Variants in BRAF observed in about 807,000 individuals in gnomAD.
BRAF encodes B-Raf proto-oncogene, serine/threonine kinase.
BRAF carries 16 observed loss-of-function variants against 104.6 expected under a neutral mutation model. That is an observed-to-expected ratio of 0.15 (90% CI 0.10 to 0.23). The LOEUF (loss-of-function observed/expected upper bound fraction) is 0.23. BRAF is among the 10% of genes least tolerant of loss of function. The probability of loss-of-function intolerance (pLI) is 1.00; values close to 1 mark genes in which losing one functional copy is unlikely to be tolerated. For missense variants in BRAF, 541 were observed against 937.3 expected (o/e 0.58, Z 5.52); for synonymous variants, 310 against 341.6 (o/e 0.91, Z 1.02).
intron 1 of BRAF, among the ~76,000 whole-genome samples, chr7:140,904,321 T>C (rs79747414): frequency 0.017 from 2,612 of 152,090 alleles, 37 homozygotes; most frequent in Non-Finnish European, 0.027. Flanking sequence ...TTATGACTCA[T>C]TGAAAGATCA....
chr7:140,805,484 T>G (rs1803567871), intron 5 of BRAF, among the ~76,000 whole-genome samples: 1 of 152,170 alleles, frequency 6.6e-6, no homozygotes, highest in South Asian at 2.1e-4. Flanking sequence ...TGCCTGTATC[T>G]GTAAGTATAC....
intron 17 of BRAF, among the ~76,000 whole-genome samples, chr7:140,747,657 A>T (rs373257718): frequency 1.3e-5 from 2 of 152,370 alleles, no homozygotes; most frequent in East Asian, 3.9e-4. Context: ...CTAAAAATCC[A>T]TAATTCCTCC....
chr7:140,716,102 T>A (rs1246096745), downstream of BRAF, among the ~76,000 whole-genome samples: 2 of 152,226 alleles, frequency 1.3e-5, no homozygotes, highest in Non-Finnish European at 2.9e-5. Flanking sequence ...GTATTTACCA[T>A]GATGCACACT....
intron 1 of BRAF, among the ~76,000 whole-genome samples, chr7:140,886,452 T>C (rs1312732632): frequency 6.6e-6 from 1 of 152,166 alleles, no homozygotes; most frequent in Non-Finnish European, 1.5e-5. Flanking sequence ...GAGTGCAAGA[T>C]CTGAAAAGAT....
chr7:140,763,332 G>A (rs1308149494), intron 14 of BRAF, among the ~76,000 whole-genome samples: 1 of 146,866 alleles, frequency 6.8e-6, no homozygotes, highest in East Asian at 2.1e-4. Context: ...GGCCGGGCAG[G>A]GGGCTGACCC....
intron 17 of BRAF, among the ~76,000 whole-genome samples, chr7:140,742,660 C>T (rs1308614211): frequency 1.3e-5 from 2 of 152,178 alleles, no homozygotes; most frequent in African/African-American, 4.8e-5. Flanking sequence ...AAAAGGCACA[C>T]CTTTAGGACT....
At chr7:140,742,190 T>C (rs1465547051) in intron 17 of BRAF, among the ~76,000 whole-genome samples, 1 of 151,750 alleles carries the variant, frequency 6.6e-6, no homozygotes, top group African/African-American at 2.4e-5. Flanking sequence ...GTGGGGTTTT[T>C]TTTGTTTTTG....
At chr7:140,917,600 C>T (rs1253021795) in intron 1 of BRAF, among the ~76,000 whole-genome samples, 2 of 152,130 alleles carry the variant, frequency 1.3e-5, no homozygotes, top group African/African-American at 4.8e-5. Flanking sequence ...ACCTCTCTCT[C>T]CCTCTCAAAT....
intron 1 of BRAF, among the ~76,000 whole-genome samples, chr7:140,914,562 T>G (rs934087829): frequency 6.6e-6 from 1 of 152,136 alleles, no homozygotes; most frequent in Non-Finnish European, 1.5e-5. Context: ...TATTAATGTG[T>G]GTAAAACAAA....
At chr7:140,855,055 C>T (rs1221886103) in intron 1 of BRAF, among the ~76,000 whole-genome samples, 3 of 151,606 alleles carry the variant, frequency 2.0e-5, no homozygotes, top group African/African-American at 7.3e-5. Flanking sequence ...ATTTTATATC[C>T]GAAGAATAAA....
At chr7:140,718,875 G>C (rs544071861), downstream of BRAF, among the ~76,000 whole-genome samples, 8 of 152,300 alleles carry the variant, frequency 5.3e-5, no homozygotes, top group Admixed American at 1.3e-4. Context: ...TAGAAAACAT[G>C]AGTGCATAGT....
At chr7:140,869,793 C>T (rs1163953484) in intron 1 of BRAF, among the ~76,000 whole-genome samples, 1 of 152,210 alleles carries the variant, frequency 6.6e-6, no homozygotes, top group Non-Finnish European at 1.5e-5. Flanking sequence ...TTGGAATTAA[C>T]TGCCACTTTA....
At chr7:140,829,480 T>C (rs1026821323) in intron 3 of BRAF, among the ~76,000 whole-genome samples, 13 of 152,130 alleles carry the variant, frequency 8.5e-5, no homozygotes, top group Admixed American at 5.2e-4. Context: ...TTCTTCTTAC[T>C]GATTGAACCA....
Position 140,783,085 on chromosome 7 carries a change from T to G in BRAF, c.1370A>C (p.Gln457Pro), listed in dbSNP as rs978365655. 1.2e-6 allele frequency: 2 copies of G among 1,613,990 alleles called. No homozygotes were observed. The highest frequency in any genetic ancestry group is 1.7e-6 in the Non-Finnish European group (2 of 1,180,010). Residue 457 changes from glutamine to proline, a missense_variant, in exon 11 of 20, where the codon CAG becomes CCG. By Grantham distance (76) the Gln-to-Pro change is moderately conservative. Coordinates refer to ENST00000644969, the MANE Select transcript of BRAF (RefSeq NM_001374258.1). Reference sequence around the variant, plus strand: ...TTCTCGCTGAGGTCCTGGAGATTTCTGTAAGGCTTTCACGTTAGTTAGTGA... The same window carrying G: ...TTCTCGCTGAGGTCCTGGAGATTTCGGTAAGGCTTTCACGTTAGTTAGTGA... ...PGSLTNVKAL[Q>P]KSPGPQRERK... is the part of the protein sequence containing the mutation.
intron 8 of BRAF, among the ~76,000 whole-genome samples, chr7:140,788,850 A>G: frequency 6.6e-6 from 1 of 151,720 alleles, no homozygotes; most frequent in Non-Finnish European, 1.5e-5. Context: ...CAGCCTCCCA[A>G]AGTGCTGGGA....
chr7:140,740,959 T>A (rs576915000), intron 17 of BRAF: 33 of 152,302 alleles, frequency 2.2e-4, no homozygotes, highest in Admixed American at 9.8e-4. Flanking sequence ...CATAACATCA[T>A]CATTTTAATG....
chr7:140,716,730 G>A (rs1795136929), downstream of BRAF, among the ~76,000 whole-genome samples: 1 of 152,184 alleles, frequency 6.6e-6, no homozygotes, highest in South Asian at 2.1e-4. Context: ...TAGTTTCCTA[G>A]GGAACCTTAA....
intron 8 of BRAF, among the ~76,000 whole-genome samples, chr7:140,791,301 A>G (rs1801941007): frequency 6.6e-6 from 1 of 152,172 alleles, no homozygotes; most frequent in Non-Finnish European, 1.5e-5. Flanking sequence ...TGACATTTCA[A>G]TTGCCAAAAT....
rs1795318483 is a variant in BRAF, at chr7:140,721,396, C to A, written c.*5098G>T. 4.0e-6 allele frequency: 5 copies of A among 1,250,016 alleles called. No homozygotes were observed. The highest frequency in any genetic ancestry group is 5.0e-6 in the Non-Finnish European group (5 of 998,332). The allele number at this position is 1,250,016 out of a possible 1,614,324, so 77.4% of individuals were successfully genotyped here. ...ATACCTGATAGGAACTGTTAATTACCCTTTCCACAATTAACAAAAATTAGA... is the reference window on the plus strand; with the variant it reads ...ATACCTGATAGGAACTGTTAATTACACTTTCCACAATTAACAAAAATTAGA... On this transcript the variant is annotated 3_prime_UTR_variant, in exon 20 of 20. Coordinates refer to ENST00000644969, the MANE Select transcript of BRAF (RefSeq NM_001374258.1).
Sources: gnomAD v4.1 joint callset for allele counts (sites outside exome capture counted in the v4.1 genomes callset) on GRCh38, gnomAD v4.1.1 for gene constraint, MANE v1.5 for transcripts, NCBI Gene and HGNC (gene_info 2026-07-23, HGNC 2026-07-21) for gene names.